The following CYB5RL variants were observed in gnomAD, a reference collection of about 807,000 sequenced individuals.
CYB5RL encodes the protein cytochrome b5 reductase like.
CYB5RL carries 38 observed loss-of-function variants against 37.5 expected under a neutral mutation model. The ratio of observed to expected loss-of-function variants is 1.01; its 90% CI spans 0.78 to 1.33. The LOEUF (loss-of-function observed/expected upper bound fraction) is 1.33. Ranked by LOEUF, CYB5RL falls within the 40% of genes most tolerant of loss-of-function variation. The pLI is 0.00. For missense variants in CYB5RL, 388 were observed against 394.4 expected, an observed-to-expected ratio of 0.98 and a Z score of 0.14; for synonymous variants, 141 against 151.9, an observed-to-expected ratio of 0.93 and a Z score of 0.53.
At chr1:54,198,432 ACAT>A in intron 1 of CYB5RL, among the ~76,000 whole-genome samples, 1 of 150,140 alleles carries the variant, frequency 6.7e-6, no homozygotes. Context: ...TCCCGGGTTC[ACAT>A]CATTCTCTTG....
chr1:54,183,651 CT>C (rs1260180243), intron 6 of CYB5RL, among the ~76,000 whole-genome samples: 1 of 152,128 alleles, frequency 6.6e-6, no homozygotes, highest in Non-Finnish European at 1.5e-5. Flanking sequence ...CCCTGGGTAG[CT>C]TTGGAGCTGG....
chr1:54,199,878 A>C, intron 1 of CYB5RL, 98 bp downstream of exon 1: 1 of 229,386 alleles, frequency 4.4e-6, no homozygotes, highest in Non-Finnish European at 8.5e-6. Context: ...CAGAAAGGGA[A>C]GTGCCTTCCC....
chr1:54,199,618 C>T (rs1404729870), intron 1 of CYB5RL, among the ~76,000 whole-genome samples: 1 of 152,192 alleles, frequency 6.6e-6, no homozygotes, highest in East Asian at 1.9e-4. Flanking sequence ...GGCGCATCTT[C>T]ATTGCTCTGT....
intron 7 of CYB5RL, among the ~76,000 whole-genome samples, chr1:54,176,419 T>C (rs1660021342): frequency 6.6e-6 from 1 of 152,180 alleles, no homozygotes; most frequent in Non-Finnish European, 1.5e-5. Flanking sequence ...TAGTCCCAGT[T>C]GCTTGGGAGA....
chr1:54,174,179 G>A lies in CYB5RL; in HGVS notation c.*440C>T, dbSNP rs1254197627. ...CCAAAGAGCTCTAAGCCTCTCCCGT[G>A]TCCTTCCCTACACACTCAGGAGCCC... On this transcript the variant is annotated 3_prime_UTR_variant, in exon 8 of 8. Coordinates refer to ENST00000534324, the MANE Select transcript of CYB5RL (RefSeq NM_001031672.4). 2.4e-5 allele frequency: 5 copies of A among 212,746 alleles called. No homozygotes were observed. Among genetic ancestry groups the A allele is most frequent in the Non-Finnish European group, 3.9e-5 (4 of 102,956 alleles). 13.2% of individuals were successfully genotyped at this position (212,746 alleles called of 1,614,324 possible). A position where few individuals can be genotyped will look rare whatever the true frequency, so the allele number is the denominator to read the frequency against.
At chr1:54,197,299 TTC>T (rs1192900504) in intron 1 of CYB5RL, among the ~76,000 whole-genome samples, 1 of 149,100 alleles carries the variant, frequency 6.7e-6, no homozygotes, top group Non-Finnish European at 1.5e-5. Flanking sequence ...ATAAACACTT[TTC>T]TTTTTCTTTT....
intron 5 of CYB5RL, among the ~76,000 whole-genome samples, chr1:54,187,192 T>G (rs1348111909): frequency 6.6e-6 from 1 of 152,160 alleles, no homozygotes; most frequent in African/African-American, 2.4e-5. Flanking sequence ...TATCTGCCAA[T>G]TCCTCCATCC....
intron 6 of CYB5RL, among the ~76,000 whole-genome samples, chr1:54,182,070 T>C (rs1266856024): frequency 6.6e-6 from 1 of 152,256 alleles, no homozygotes; most frequent in Middle Eastern, 3.2e-3. Context: ...AACGTTCATC[T>C]GTTATCCACT....
Position 54,180,280 on chromosome 1 carries a change from G to A in CYB5RL, c.541-928C>T, listed in dbSNP as rs574910587. 766 of 387,444 alleles carry A rather than the reference G, an allele frequency of 2.0e-3. 4 individuals carry two copies. The highest frequency in any genetic ancestry group is 0.015 in the African/African-American group (719 of 46,428). 24.0% of individuals were successfully genotyped at this position (387,444 alleles called of 1,614,324 possible). A position where few individuals can be genotyped will look rare whatever the true frequency, so the allele number is the denominator to read the frequency against. ...TGAGTTCCCACCCCAGGAGGTCCCA[G>A]TTCCATCAACTCCTCCTCACTGAAT... is the stretch of plus-strand genomic sequence containing the variant. On this transcript the variant is annotated intron_variant, in intron 6 of 7. Coordinates refer to ENST00000534324, the MANE Select transcript of CYB5RL (RefSeq NM_001031672.4).
chr1:54,182,062 C>G (rs772031237), intron 6 of CYB5RL, among the ~76,000 whole-genome samples: 39 of 152,354 alleles, frequency 2.6e-4, no homozygotes, highest in Non-Finnish European at 5.4e-4. Flanking sequence ...GTCAAGACAA[C>G]GTTCATCTGT....
At position 54,171,219 on chromosome 1, in the gene CYB5RL, C is replaced by T. The variant is rs1251648085; in HGVS notation, c.*3400G>A. On this transcript the variant is annotated 3_prime_UTR_variant, in exon 8 of 8. Coordinates refer to ENST00000534324, the MANE Select transcript of CYB5RL (RefSeq NM_001031672.4). ...ATCGGAAGGTGGGAGGCTGGCCAGGCAGAGGAAGCAGCGAGTGTAAGGGAT... is the reference window on the plus strand; with the variant it reads ...ATCGGAAGGTGGGAGGCTGGCCAGGTAGAGGAAGCAGCGAGTGTAAGGGAT... 4.4e-6 allele frequency: 2 copies of T among 455,858 alleles called. No individual in the cohort carries two copies. The highest frequency in any genetic ancestry group is 8.8e-6 in the Non-Finnish European group (2 of 226,732). 28.2% of individuals were successfully genotyped at this position (455,858 alleles called of 1,614,324 possible).
rs1659967557 is a variant in CYB5RL, at chr1:54,174,423, A to T, written c.*196T>A. The T allele has an allele frequency of 8.0e-6, 5 of 625,020 alleles. No homozygotes were observed. The highest frequency in any genetic ancestry group is 1.4e-5 in the Non-Finnish European group (5 of 361,144). 38.7% of individuals were successfully genotyped at this position (625,020 alleles called of 1,614,324 possible). A position where few individuals can be genotyped will look rare whatever the true frequency, so the allele number is the denominator to read the frequency against. ...GCCCATCCTCCTTCTACATAGTAGG[A>T]GGCCAGGAGGAGTGATTAACCTCAT... On this transcript the variant is annotated 3_prime_UTR_variant, in exon 8 of 8. Transcript: ENST00000534324.
Position 54,182,228 on chromosome 1 carries a change from A to G in CYB5RL, c.540+1933T>C, listed in dbSNP as rs191641909. On this transcript the variant is annotated intron_variant, in intron 6 of 7. Coordinates refer to ENST00000534324, the MANE Select transcript of CYB5RL (RefSeq NM_001031672.4). ...CATATGCATAGCACATATCTGTAGAATGGGGTTGTAGCACCTAAGAGCTGC... is the reference window on the plus strand; with the variant it reads ...CATATGCATAGCACATATCTGTAGAGTGGGGTTGTAGCACCTAAGAGCTGC... Among the ~76,000 whole-genome samples the G allele has an allele frequency of 1.6e-4, 25 of 152,346 alleles. No homozygotes were observed. The East Asian group carries it at 4.4e-3, about 27-fold the overall frequency.
intron 7 of CYB5RL, among the ~76,000 whole-genome samples, chr1:54,178,156 C>T (rs991523561): frequency 6.6e-6 from 1 of 152,238 alleles, no homozygotes; most frequent in Non-Finnish European, 1.5e-5. Context: ...GCCTGCAGAA[C>T]CCAGCCCCTG....
At chr1:54,177,050 G>C (rs191127356) in intron 7 of CYB5RL, among the ~76,000 whole-genome samples, 1 of 152,332 alleles carries the variant, frequency 6.6e-6, no homozygotes, top group Non-Finnish European at 1.5e-5. Flanking sequence ...TCAGGCCACA[G>C]CTCACGGGGA....
intron 1 of CYB5RL, among the ~76,000 whole-genome samples, chr1:54,197,256 C>A (rs759677225): frequency 2.0e-5 from 3 of 151,958 alleles, no homozygotes; most frequent in Non-Finnish European, 2.9e-5. Flanking sequence ...GCACTCCATG[C>A]ACTTGGTCCA....
chr1:54,176,164 T>C (rs1400709227), intron 7 of CYB5RL, among the ~76,000 whole-genome samples: 2 of 152,158 alleles, frequency 1.3e-5, no homozygotes, highest in African/African-American at 4.8e-5. Flanking sequence ...AAAGCCACTG[T>C]CCAGAGAGCC....
rs751639592 is a variant in CYB5RL, at chr1:54,179,325, C to A, written c.568G>T (p.Gly190Cys). 4 of 1,613,470 alleles carry A rather than the reference C, an allele frequency of 2.5e-6. No individual in the cohort carries two copies. The East Asian group carries it at 8.9e-5, about 36-fold the overall frequency. ...GGCACCATGGGGGCCAGGCCCGTGCCCGCAGCCAGCAAGAGGAGCTCACCA... is the reference window on the plus strand; with the variant it reads ...GGCACCATGGGGGCCAGGCCCGTGCACGCAGCCAGCAAGAGGAGCTCACCA... The part of the protein sequence containing the change: ...QYGELLLLAA[G>C]TGLAPMVPIL... Residue 190 changes from glycine (G) to cysteine (C), a missense_variant, in exon 7 of 8, where the codon GGC (glycine) becomes TGC (cysteine). By Grantham distance (159) the Gly-to-Cys change is radical. Transcript: ENST00000534324.
intron 3 of CYB5RL, among the ~76,000 whole-genome samples, chr1:54,193,784 G>A (rs962188071): frequency 1.8e-4 from 27 of 151,740 alleles, no homozygotes; most frequent in Admixed American, 1.1e-3. Context: ...AGACCAACGT[G>A]GTAAAACCCT....
Sources: allele counts gnomAD v4.1 joint callset (sites outside exome capture counted in the v4.1 genomes callset), GRCh38; gene constraint gnomAD v4.1.1; transcripts MANE v1.5; gene names NCBI Gene and HGNC (gene_info 2026-07-23, HGNC 2026-07-21).